SLC27A2: variants seen among roughly 807,000 people sequenced by gnomAD.
SLC27A2 encodes the protein solute carrier family 27 member 2.
SLC27A2 carries 54 observed loss-of-function variants against 60.0 expected under a neutral mutation model. The ratio of observed to expected loss-of-function variants is 0.90; its 90% CI spans 0.72 to 1.13. The LOEUF (loss-of-function observed/expected upper bound fraction) is 1.13. Ranked by LOEUF, SLC27A2 falls within the 50% of genes most tolerant of loss-of-function variation. The pLI, the probability that SLC27A2 is intolerant of heterozygous loss-of-function variation, is 0.00. For synonymous variants in SLC27A2, 297 were observed against 297.6 expected (o/e 1.00, Z 0.02); for missense variants, 739 against 777.6 (o/e 0.95, Z 0.59).
intron 4 of SLC27A2, among the ~76,000 whole-genome samples, chr15:50,212,125 T>G (rs540701832): frequency 3.4e-5 from 5 of 147,680 alleles, no homozygotes; most frequent in Non-Finnish European, 6.0e-5. Context: ...TTCAGGAAAC[T>G]TTGGACACAC....
In SLC27A2 at chr15:50,227,100, A is replaced by G. The variant is rs761262316; in HGVS notation, c.1379A>G (p.Tyr460Cys). The change falls in exon 7 of 10, where the codon TAT (tyrosine) becomes TGT (cysteine). Residue 460 changes from tyrosine to cysteine, a missense_variant. Physicochemically the swap from Tyr to Cys is radical, Grantham distance 194. Transcript: ENST00000267842. ...LRDVFKKGDL[Y>C]FNSGDLLMVD... is the part of the protein sequence containing the mutation. ...GATGTCTTTAAGAAAGGAGACCTCTATTTCAACAGTGGAGATCTCTTAATG... is the reference window on the plus strand; with the variant it reads ...GATGTCTTTAAGAAAGGAGACCTCTGTTTCAACAGTGGAGATCTCTTAATG... 1.4e-5 allele frequency: 22 copies of G among 1,613,870 alleles called. No individual in the cohort carries two copies. In the East Asian group the frequency reaches 4.5e-4, roughly 33 times the overall value.
intron 4 of SLC27A2, among the ~76,000 whole-genome samples, chr15:50,216,081 T>C (rs1050172491): frequency 6.6e-6 from 1 of 152,064 alleles, no homozygotes; most frequent in Non-Finnish European, 1.5e-5. Context: ...AGGAATAATA[T>C]CCAGAATCTA....
intron 7 of SLC27A2, among the ~76,000 whole-genome samples, chr15:50,228,623 C>T (rs1386100262): frequency 6.6e-6 from 1 of 152,108 alleles, no homozygotes; most frequent in Non-Finnish European, 1.5e-5. Flanking sequence ...ACCTAAACAG[C>T]AGAAAATCGT....
chr15:50,222,843 AAT>A, intron 4 of SLC27A2, 120 bp from the exon 5 acceptor site: 1 of 799,246 alleles, frequency 1.3e-6, no homozygotes, highest in Non-Finnish European at 1.9e-6. Context: ...AACCAACATA[AAT>A]ATGTAATAAA....
intron 4 of SLC27A2, among the ~76,000 whole-genome samples, chr15:50,210,599 T>G (rs776325580): frequency 6.6e-6 from 1 of 152,192 alleles, no homozygotes; most frequent in Non-Finnish European, 1.5e-5. Flanking sequence ...ATTCTCTAGC[T>G]AAACTTTGGG....
At chr15:50,212,484 T>G (rs998434181) in intron 4 of SLC27A2, among the ~76,000 whole-genome samples, 1 of 152,206 alleles carries the variant, frequency 6.6e-6, no homozygotes, top group Non-Finnish European at 1.5e-5. Flanking sequence ...CCTAGGCACA[T>G]TGTCATCAGG....
In SLC27A2 at chr15:50,182,597, G is replaced by C. The variant is rs1225234431; in HGVS notation, c.170G>C (p.Arg57Pro). The part of the protein sequence containing the change: ...GKRRPARTIL[R>P]AFLEKARQTP... ...CGGCGGCCGGCGCGCACCATCCTGCGGGCGTTCCTGGAGAAAGCGCGCCAG... is the reference window on the plus strand; with the variant it reads ...CGGCGGCCGGCGCGCACCATCCTGCCGGCGTTCCTGGAGAAAGCGCGCCAG... The change falls in exon 1 of 10, where the codon CGG (arginine) becomes CCG (proline). Residue 57 changes from arginine (R) to proline (P), a missense_variant. Coordinates refer to ENST00000267842, the MANE Select transcript of SLC27A2 (RefSeq NM_003645.4). 1 of 1,613,456 alleles carries C rather than the reference G, an allele frequency of 6.2e-7. No homozygotes were observed. The highest frequency in any genetic ancestry group is 1.1e-5 in the South Asian group (1 of 91,058).
chr15:50,184,856 AGACAAG>A (rs1311138345), intron 1 of SLC27A2, among the ~76,000 whole-genome samples: 1 of 152,204 alleles, frequency 6.6e-6, no homozygotes, highest in Non-Finnish European at 1.5e-5. Context: ...AATAAAAAAA[AGACAAG>A]TTTAAAGGTG....
intron 4 of SLC27A2, among the ~76,000 whole-genome samples, chr15:50,216,610 G>GTGTATATA (rs1323910367): frequency 4.5e-4 from 30 of 66,488 alleles, no homozygotes; most frequent in Admixed American, 5.6e-4. Flanking sequence ...GTGTGTGTGT[G>GTGTATATA]TATATATATA....
intron 1 of SLC27A2, among the ~76,000 whole-genome samples, chr15:50,193,347 A>G (rs932126852): frequency 2.6e-5 from 4 of 152,204 alleles, no homozygotes; most frequent in African/African-American, 9.7e-5. Context: ...CCTGGGCTCT[A>G]TGAAAACAGG....
At chr15:50,208,633 A>G (rs183016430) in intron 4 of SLC27A2, among the ~76,000 whole-genome samples, 11 of 152,360 alleles carry the variant, frequency 7.2e-5, no homozygotes, top group Admixed American at 6.5e-4. Flanking sequence ...GAATGAATCA[A>G]TGAAAATTCT....
chr15:50,194,775 TAGAG>T (rs1172171571), intron 1 of SLC27A2, among the ~76,000 whole-genome samples: 1 of 151,944 alleles, frequency 6.6e-6, no homozygotes, highest in Non-Finnish European at 1.5e-5. Context: ...GCTGAAGGAT[TAGAG>T]AGCAACCAGA....
intron 8 of SLC27A2, among the ~76,000 whole-genome samples, chr15:50,231,125 A>G (rs1186543880): frequency 6.6e-6 from 1 of 151,196 alleles, no homozygotes; most frequent in Non-Finnish European, 1.5e-5. Flanking sequence ...TGTGTAAAAT[A>G]CCACTGAATT....
chr15:50,207,438 A>G (rs1248196533), intron 4 of SLC27A2, among the ~76,000 whole-genome samples: 4 of 152,136 alleles, frequency 2.6e-5, no homozygotes, highest in Non-Finnish European at 5.9e-5. Context: ...TATAAAAAGT[A>G]TAATAAAAGA....
chr15:50,222,205 C>T (rs1334884913), intron 4 of SLC27A2, among the ~76,000 whole-genome samples: 1 of 152,078 alleles, frequency 6.6e-6, no homozygotes, highest in Non-Finnish European at 1.5e-5. Context: ...CATATTCTTC[C>T]CAGGCCACCT....
chr15:50,225,547 G>T (rs2045272516), intron 5 of SLC27A2, among the ~76,000 whole-genome samples: 1 of 152,092 alleles, frequency 6.6e-6, no homozygotes, highest in Non-Finnish European at 1.5e-5. Flanking sequence ...GTTCATAACA[G>T]CTTTATTTAT....
intron 5 of SLC27A2, among the ~76,000 whole-genome samples, chr15:50,223,967 T>C (rs1344393957): frequency 6.6e-6 from 1 of 152,182 alleles, no homozygotes; most frequent in Non-Finnish European, 1.5e-5. Context: ...GTAGTTCATG[T>C]GCGTAAGAGC....
chr15:50,183,611 T>C (rs942690162), intron 1 of SLC27A2, among the ~76,000 whole-genome samples: 8 of 152,266 alleles, frequency 5.3e-5, no homozygotes, highest in African/African-American at 1.9e-4. Context: ...CAGCCAGACT[T>C]GAAACAGTAA....
intron 9 of SLC27A2, among the ~76,000 whole-genome samples, chr15:50,235,433 C>T (rs996460332): frequency 8.5e-5 from 13 of 152,172 alleles, no homozygotes; most frequent in African/African-American, 3.1e-4. Flanking sequence ...CACCCCTCTG[C>T]TCAGAAATCT....
Sources: gnomAD v4.1 joint callset for allele counts (sites outside exome capture counted in the v4.1 genomes callset) on GRCh38, gnomAD v4.1.1 for gene constraint, MANE v1.5 for transcripts, NCBI Gene and HGNC (gene_info 2026-07-23, HGNC 2026-07-21) for gene names.